Variants in IL16 observed in about 807,000 individuals in gnomAD.
IL16 encodes the protein pro-interleukin-16.
IL16 carries 67 observed loss-of-function variants against 110.1 expected under a neutral mutation model. The ratio of observed to expected loss-of-function variants is 0.61; its 90% CI spans 0.50 to 0.75. The LOEUF (loss-of-function observed/expected upper bound fraction) is 0.75. Ranked by LOEUF, IL16 falls within the 30% of genes least tolerant of loss-of-function variation. The pLI, the probability that IL16 is intolerant of heterozygous loss-of-function variation, is 0.00. For missense variants in IL16, 1,545 were observed against 1,655.0 expected, an observed-to-expected ratio of 0.93 and a Z score of 1.15; for synonymous variants, 689 against 662.9, an observed-to-expected ratio of 1.04 and a Z score of -0.61.
rs1900275758 is a variant in IL16 at position 81,301,377 on chromosome 15, C to T, written c.3183C>T (p.Leu1061=). The change falls in exon 15 of 19, where the codon CTC becomes CTT. Residue 1061 remains leucine, a synonymous_variant. Transcript: ENST00000683961. ...AGCTGAGAGAATATACAGAGGGTCT[C>T]ACGGAAGCCAAGGAAGACGATGATG... is the stretch of plus-strand genomic sequence containing the variant. ...LSELREYTEG[L]TEAKEDDDGD... 1 of 1,613,456 alleles carries T rather than the reference C, an allele frequency of 6.2e-7. No homozygotes were observed. Among genetic ancestry groups the T allele is most frequent in the South Asian group, 1.1e-5 (1 of 90,968 alleles).
intron 3 of IL16, among the ~76,000 whole-genome samples, chr15:81,260,930 G>A (rs189856334): frequency 6.6e-6 from 1 of 152,358 alleles, no homozygotes; most frequent in East Asian, 1.9e-4. Flanking sequence ...AACGGTAGAT[G>A]TAGTTTAAGG....
chr15:81,223,596 G>A (rs1392435496), intron 1 of IL16, among the ~76,000 whole-genome samples: 1 of 152,202 alleles, frequency 6.6e-6, no homozygotes, highest in East Asian at 1.9e-4. Flanking sequence ...TATCTCTTCT[G>A]TAAAATGAGG....
intron 6 of IL16, among the ~76,000 whole-genome samples, chr15:81,277,449 C>CTT (rs142967629): frequency 4.2e-5 from 6 of 143,660 alleles, no homozygotes; most frequent in African/African-American, 1.0e-4. Context: ...CTTTTCTTTC[C>CTT]TTTTTTTTTT....
In IL16 at chr15:81,303,454, G is replaced by A; in HGVS notation, c.3319-95G>A. ...TAACTTGGAGGCTGGCCAAGCTGGGGTTTGAGATAACAAATCAGTCTGATG... is the reference window on the plus strand; with the variant it reads ...TAACTTGGAGGCTGGCCAAGCTGGGATTTGAGATAACAAATCAGTCTGATG... On this transcript the variant is annotated intron_variant, in intron 15 of 18. Transcript: ENST00000683961. The surrounding 1 kb of genome is among the most constrained non-coding windows in gnomAD (Gnocchi z 4.1). The A allele has an allele frequency of 3.6e-6, 3 of 840,772 alleles. No homozygotes were observed. The South Asian group carries it at 4.7e-5, about 13-fold the overall frequency. 52.1% of individuals were successfully genotyped at this position (840,772 alleles called of 1,614,324 possible).
rs376931649 is a variant in IL16, at chr15:81,285,748, C to G, written c.1250C>G (p.Thr417Arg). The G allele has an allele frequency of 1.2e-6, 2 of 1,614,088 alleles. No individual in the cohort carries two copies. The highest frequency in any genetic ancestry group is 1.7e-6 in the Non-Finnish European group (2 of 1,179,960). The change falls in exon 10 of 19, where the codon ACG becomes AGG. Residue 417 changes from threonine to arginine, a missense_variant. Physicochemically the swap from Thr to Arg is moderately conservative, Grantham distance 71 (BLOSUM62 -1). This residue lies in a region of IL16 where 1,185 missense variants were observed against 1,238.8 expected (regional missense o/e 0.96). Transcript: ENST00000683961. ...EISDSPVHCL[T>R]LNEVYTILSH... ...AGTGATTCCCCTGTGCACTGCCTGA[C>G]GCTCAATGAAGTCTACACGATCCTG...
chr15:81,292,407 A>G lies in IL16; in HGVS notation c.1421-149A>G, dbSNP rs761266331. 24 of 1,163,788 alleles carry G rather than the reference A, an allele frequency of 2.1e-5. 1 individual carries two copies. The South Asian group carries it at 2.8e-4, about 14-fold the overall frequency. 72.1% of individuals were successfully genotyped at this position (1,163,788 alleles called of 1,614,324 possible). On this transcript the variant is annotated intron_variant, in intron 11 of 18. Transcript: ENST00000683961. The stretch of plus-strand genomic sequence containing the variant: ...CAGCTCGCCAGGGACCAACACCAAG[A>G]CTGCCATACTCCAGATCCACAGTGA...
At chr15:81,255,222 T>C (rs1464895010) in intron 2 of IL16, among the ~76,000 whole-genome samples, 1 of 152,186 alleles carries the variant, frequency 6.6e-6, no homozygotes, top group East Asian at 1.9e-4. Flanking sequence ...GTCATATGGC[T>C]TTATATGTGT....
chr15:81,191,664 T>C (rs1487967532), intron 1 of IL16, among the ~76,000 whole-genome samples: 1 of 152,054 alleles, frequency 6.6e-6, no homozygotes, highest in African/African-American at 2.4e-5. Flanking sequence ...TAACGGTGAG[T>C]GCCTGGTTTA....
chr15:81,193,231 A>C (rs1895525896), upstream of IL16, among the ~76,000 whole-genome samples: 1 of 152,194 alleles, frequency 6.6e-6, no homozygotes, highest in Admixed American at 6.5e-5. Flanking sequence ...ACAATTACCA[A>C]AATGTGGAAG....
In IL16 at chr15:81,313,083, G is replaced by A. The variant is rs1900948903; in HGVS notation, c.*4285G>A. ...CACGCCAACCCTGAGTGGGGCAGGAGGCAGGAAGGGTGGGCTGCCGCCTCT... is the reference window on the plus strand; with the variant it reads ...CACGCCAACCCTGAGTGGGGCAGGAAGCAGGAAGGGTGGGCTGCCGCCTCT... On this transcript the variant is annotated 3_prime_UTR_variant, in exon 19 of 19. Transcript: ENST00000683961. 1.5e-6 allele frequency: 1 copy of A among 671,634 alleles called. No homozygotes were observed. Among genetic ancestry groups the A allele is most frequent in the Non-Finnish European group, 2.2e-6 (1 of 445,956 alleles). The allele number at this position is 671,634 out of a possible 1,614,324, so 41.6% of individuals were successfully genotyped here. A position where few individuals can be genotyped will look rare whatever the true frequency, so the allele number is the denominator to read the frequency against.
chr15:81,291,947 C>T (rs1401764296), intron 11 of IL16: 1 of 456,056 alleles, frequency 2.2e-6, no homozygotes, highest in African/African-American at 2.0e-5. Flanking sequence ...GTTGGGTCCC[C>T]CAGGAAGCTG....
chr15:81,188,390 G>T (rs759312005), intron 1 of IL16: 7 of 456,218 alleles, frequency 1.5e-5, no homozygotes, highest in Non-Finnish European at 4.4e-6. Flanking sequence ...TGGAGCTGAG[G>T]GAAGGCAGAG....
chr15:81,301,716 A>C (rs1177374286), intron 15 of IL16, among the ~76,000 whole-genome samples: 4 of 152,238 alleles, frequency 2.6e-5, no homozygotes, highest in African/African-American at 9.6e-5. Context: ...AACCACTTTC[A>C]GTAGATTGAC....
chr15:81,259,641 T>C (rs1033932545), intron 2 of IL16, 131 bp from the exon 3 acceptor site: 15 of 620,070 alleles, frequency 2.4e-5, no homozygotes, highest in African/African-American at 1.8e-4. Context: ...CCTGCTCTTA[T>C]AGTACTTATC....
chr15:81,283,874 C>A (rs931732409), intron 9 of IL16, among the ~76,000 whole-genome samples: 1 of 151,826 alleles, frequency 6.6e-6, no homozygotes, highest in Non-Finnish European at 1.5e-5. Context: ...GTGGTGGCAC[C>A]TTCCTGTAAT....
Position 81,278,843 on chromosome 15 carries a change from G to A in IL16, c.817G>A (p.Glu273Lys). The change falls in exon 7 of 19, where the codon GAA becomes AAA. Residue 273 changes from glutamate to lysine, a missense_variant. Glu to Lys is a moderately conservative substitution (Grantham distance 56). Coordinates refer to ENST00000683961, the MANE Select transcript of IL16 (RefSeq NM_172217.5). ...TGATGAAATTCTGGAGCTCAATGGT[G>A]AATCAATGGCTGGACTAACACATCA... Reference protein sequence around the residue: ...EGDEILELNGESMAGLTHQDA... With the variant: ...EGDEILELNGKSMAGLTHQDA... The A allele has an allele frequency of 1.9e-6, 3 of 1,613,142 alleles. No individual in the cohort carries two copies. The highest frequency in any genetic ancestry group is 1.1e-5 in the South Asian group (1 of 91,060).
At chr15:81,204,128 G>C (rs1895922799) in intron 1 of IL16, among the ~76,000 whole-genome samples, 1 of 152,140 alleles carries the variant, frequency 6.6e-6, no homozygotes, top group Non-Finnish European at 1.5e-5. Flanking sequence ...CTGTTTGTCT[G>C]TTATTGGTGT....
chr15:81,225,229 A>G, intron 1 of IL16, 70 bp from the exon 2 acceptor site: 1 of 1,306,624 alleles, frequency 7.7e-7, no homozygotes, highest in South Asian at 1.5e-5. Flanking sequence ...GCTCAGATCC[A>G]GGACTCGTGT....
chr15:81,305,847 C>T, intron 16 of IL16, 61 bp from the exon 17 acceptor site: 1 of 1,577,374 alleles, frequency 6.3e-7, no homozygotes, highest in Non-Finnish European at 8.6e-7. Flanking sequence ...AATCCTCCTC[C>T]AGCAAGTATG....
Sources: gnomAD v4.1 joint callset for allele counts (sites outside exome capture counted in the v4.1 genomes callset) on GRCh38, gnomAD v4.1.1 for gene constraint, gnomAD v4.1.1 regional missense constraint, Gnocchi (gnomAD v3.1) non-coding constraint, MANE v1.5 for transcripts, NCBI Gene and HGNC (gene_info 2026-07-23, HGNC 2026-07-21) for gene names.